Variants in SEC24D observed in about 807,000 individuals in gnomAD.
The protein encoded by SEC24D is SEC24 homolog D, COPII component, also known as protein transport protein Sec24D.
Under a neutral mutation model 116.9 loss-of-function variants are expected in SEC24D, and 69 were observed. The ratio of observed to expected loss-of-function variants is 0.59; its 90% CI spans 0.49 to 0.72. The LOEUF is 0.72. Ranked by LOEUF, SEC24D falls within the 30% of genes least tolerant of loss-of-function variation. SEC24D has a pLI of 0.00. For missense variants in SEC24D, 1,131 were observed against 1,264.1 expected (o/e 0.89, Z 1.60); for synonymous variants, 405 against 442.8 (o/e 0.91, Z 1.07).
intron 8 of SEC24D, among the ~76,000 whole-genome samples, chr4:118,771,187 A>G (rs889105094): frequency 6.6e-6 from 1 of 152,166 alleles, no homozygotes; most frequent in Non-Finnish European, 1.5e-5. Flanking sequence ...AAAAAAATCA[A>G]GTTACTTTTC....
In SEC24D at chr4:118,752,751, G is replaced by A; in HGVS notation, c.1559C>T (p.Pro520Leu). The A allele has an allele frequency of 6.2e-7, 1 of 1,611,126 alleles. No homozygotes were observed. Among genetic ancestry groups the A allele is most frequent in the Non-Finnish European group, 8.5e-7 (1 of 1,179,016 alleles). The change falls in exon 12 of 23, where the codon CCT becomes CTT. Residue 520 changes from proline (P) to leucine (L), a missense_variant. Pro to Leu is a moderately conservative substitution (Grantham distance 98). Coordinates refer to ENST00000280551, the MANE Select transcript of SEC24D (RefSeq NM_014822.4). ...GTTGACAAGGAAACCATCCAACAAA[G>A]GAACAAAGACTTCTCCAACATCAGT... ...VVTDVGEVFV[P>L]LLDGFLVNYQ...
In SEC24D at chr4:118,764,785, G is replaced by C; in HGVS notation, c.1296+17C>G. On this transcript the variant is annotated intron_variant, in intron 10 of 22. Coordinates refer to ENST00000280551, the MANE Select transcript of SEC24D (RefSeq NM_014822.4). ...TAACATCAATGTATAAACACTTGAA[G>C]TTCTGGGAACACTTACTCTGCAATA... 1 of 1,358,100 alleles carries C rather than the reference G, an allele frequency of 7.4e-7. No homozygotes were observed. The allele number at this position is 1,358,100 out of a possible 1,614,324, so 84.1% of individuals were successfully genotyped here.
chr4:118,800,729 T>C (rs528347187), intron 7 of SEC24D, among the ~76,000 whole-genome samples: 32 of 152,276 alleles, frequency 2.1e-4, no homozygotes, highest in African/African-American at 7.7e-4. Flanking sequence ...CCACAATAAC[T>C]CTATGGATTA....
Position 118,738,244 on chromosome 4 carries a change from T to C in SEC24D, c.2496+17A>G. The C allele has an allele frequency of 6.6e-7, 1 of 1,516,030 alleles. No individual in the cohort carries two copies. Among genetic ancestry groups the C allele is most frequent in the Non-Finnish European group, 9.2e-7 (1 of 1,091,034 alleles). 93.9% of individuals were successfully genotyped at this position (1,516,030 alleles called of 1,614,324 possible). The stretch of plus-strand genomic sequence containing the variant: ...CGTTTGTAACACTTTAACATCTATG[T>C]GCAATAGGTAGCTCACCTGGCTTGC... On this transcript the variant is annotated intron_variant, in intron 19 of 22. Coordinates refer to ENST00000280551, the MANE Select transcript of SEC24D (RefSeq NM_014822.4).
At chr4:118,830,474 T>C (rs1730797576) in intron 2 of SEC24D, among the ~76,000 whole-genome samples, 1 of 152,204 alleles carries the variant, frequency 6.6e-6, no homozygotes, top group Admixed American at 6.5e-5. Context: ...AATTAAATAT[T>C]GGTAAATACC....
chr4:118,760,055 C>T (rs1727294829), intron 10 of SEC24D, among the ~76,000 whole-genome samples: 1 of 152,224 alleles, frequency 6.6e-6, no homozygotes, highest in African/African-American at 2.4e-5. Flanking sequence ...ACTTGTCCAC[C>T]TCACTTAGCA....
chr4:118,730,161 A>C (rs1725609210), intron 21 of SEC24D: 1 of 152,224 alleles, frequency 6.6e-6, no homozygotes, highest in Non-Finnish European at 1.5e-5. Flanking sequence ...TTACTATGTC[A>C]ATATATTACA....
intron 1 of SEC24D, among the ~76,000 whole-genome samples, chr4:118,834,793 ATTC>A (rs1435235738): frequency 6.6e-6 from 1 of 152,204 alleles, no homozygotes; most frequent in Admixed American, 6.5e-5. Context: ...ATACAAGCAT[ATTC>A]TTCCTTTTGT....
intron 2 of SEC24D, among the ~76,000 whole-genome samples, chr4:118,829,796 G>A (rs1439263599): frequency 6.6e-6 from 1 of 151,652 alleles, no homozygotes; most frequent in Non-Finnish European, 1.5e-5. Flanking sequence ...TGGGTAATAA[G>A]AGCGAAACTC....
intron 6 of SEC24D, among the ~76,000 whole-genome samples, chr4:118,814,186 T>C (rs114649974): frequency 0.044 from 6,652 of 152,342 alleles, 199 homozygotes; most frequent in Non-Finnish European, 0.064. Flanking sequence ...AGCTTCCCTG[T>C]CTCAGTGACA....
intron 19 of SEC24D, 48 bp from the exon 20 acceptor site, chr4:118,732,960 C>G: frequency 2.0e-6 from 3 of 1,465,784 alleles, no homozygotes; most frequent in Non-Finnish European, 2.8e-6. Context: ...TTACTGAGAA[C>G]AATTCCCTGA....
chr4:118,777,942 CT>C (rs1728222928), intron 8 of SEC24D, among the ~76,000 whole-genome samples: 1 of 152,150 alleles, frequency 6.6e-6, no homozygotes, highest in East Asian at 1.9e-4. Context: ...TCCTTTGCCA[CT>C]TTTTGATGGG....
intron 22 of SEC24D, among the ~76,000 whole-genome samples, chr4:118,724,633 A>T (rs750576519): frequency 6.6e-6 from 1 of 152,328 alleles, no homozygotes; most frequent in Admixed American, 6.5e-5. Context: ...GCATTACTGG[A>T]GAGTGCTGCT....
intron 5 of SEC24D, 136 bp from the exon 6 acceptor site, chr4:118,815,291 G>T: frequency 7.4e-7 from 1 of 1,352,872 alleles, no homozygotes; most frequent in Non-Finnish European, 1.0e-6. Context: ...TCAAGTATGA[G>T]TGTGGTTCCC....
chr4:118,799,998 G>C (rs756169917), intron 7 of SEC24D, among the ~76,000 whole-genome samples: 5 of 152,142 alleles, frequency 3.3e-5, no homozygotes, highest in Admixed American at 6.5e-5. Context: ...TGATTTAAGA[G>C]GAAGAGGGGA....
intron 3 of SEC24D, among the ~76,000 whole-genome samples, chr4:118,820,163 T>C (rs943204715): frequency 1.3e-5 from 2 of 151,192 alleles, no homozygotes; most frequent in African/African-American, 4.9e-5. Context: ...ATCTTAAACA[T>C]ACAAATTAGT....
chr4:118,775,793 T>C (rs934155136), intron 8 of SEC24D, among the ~76,000 whole-genome samples: 2 of 152,192 alleles, frequency 1.3e-5, no homozygotes, highest in African/African-American at 4.8e-5. Flanking sequence ...GCTTATAAAT[T>C]AGCAAATTCT....
intron 8 of SEC24D, among the ~76,000 whole-genome samples, chr4:118,793,569 G>C (rs910615046): frequency 2.0e-5 from 3 of 151,070 alleles, no homozygotes; most frequent in South Asian, 2.1e-4. Flanking sequence ...ATTCCCTAAT[G>C]TTGGTGGCTC....
intron 8 of SEC24D, among the ~76,000 whole-genome samples, chr4:118,772,698 C>T (rs1383227341): frequency 1.3e-5 from 2 of 152,130 alleles, no homozygotes; most frequent in Non-Finnish European, 2.9e-5. Flanking sequence ...AGCCCACTCT[C>T]CACATTAGCC....
Sources: gnomAD v4.1 joint callset for allele counts (sites outside exome capture counted in the v4.1 genomes callset) on GRCh38, gnomAD v4.1.1 for gene constraint, MANE v1.5 for transcripts, NCBI Gene and HGNC (gene_info 2026-07-23, HGNC 2026-07-21) for gene names.